The following EGFR variants were observed in gnomAD, a reference collection of about 807,000 sequenced individuals.
EGFR encodes avian erythroblastic leukemia viral (v-erb-b) oncogene homolog.
Under a neutral mutation model 143.0 loss-of-function variants are expected in EGFR, and 58 were observed. The ratio of observed to expected loss-of-function variants is 0.41; its 90% CI spans 0.33 to 0.50. The LOEUF (loss-of-function observed/expected upper bound fraction) is 0.50. Among genes scored for constraint, EGFR ranks in the 20% least tolerant of loss-of-function variants. EGFR has a pLI of 0.39. For synonymous variants in EGFR, 613 were observed against 594.4 expected (o/e 1.03, Z -0.45); for missense variants, 1,307 against 1,579.0 (o/e 0.83, Z 2.92).
intron 1 of EGFR, among the ~76,000 whole-genome samples, chr7:55,105,394 T>G (rs959566423): frequency 2.0e-5 from 3 of 152,252 alleles, no homozygotes; most frequent in Admixed American, 6.5e-5. Context: ...TCTAAGTGCT[T>G]TTCAAAGTCA....
chr7:55,193,062 G>C (rs564860538), intron 22 of EGFR, among the ~76,000 whole-genome samples: 2 of 151,860 alleles, frequency 1.3e-5, no homozygotes, highest in South Asian at 4.2e-4. Flanking sequence ...CAATGAGCTC[G>C]TCTGGCAGGG....
At chr7:55,073,624 T>C (rs17172432) in intron 1 of EGFR, among the ~76,000 whole-genome samples, 45,872 of 152,172 alleles carry the variant, frequency 0.3, 9,148 homozygotes, top group African/African-American at 0.57. Context: ...TCAGTTGTTA[T>C]GGGCATTTAT....
At chr7:55,025,393 T>A (rs78910000) in intron 1 of EGFR, among the ~76,000 whole-genome samples, 1 of 151,984 alleles carries the variant, frequency 6.6e-6, no homozygotes, top group Non-Finnish European at 1.5e-5. Context: ...GAATCCCAGA[T>A]TGACACCCAG....
At chr7:55,059,838 C>T (rs1789063240) in intron 1 of EGFR, among the ~76,000 whole-genome samples, 1 of 152,146 alleles carries the variant, frequency 6.6e-6, no homozygotes, top group South Asian at 2.1e-4. Flanking sequence ...TTACATCGTC[C>T]TTATAAGAAA....
At chr7:55,068,157 C>T in intron 1 of EGFR, among the ~76,000 whole-genome samples, 1 of 145,938 alleles carries the variant, frequency 6.9e-6, no homozygotes, top group East Asian at 1.9e-4. Context: ...TCTCTCATCA[C>T]CTTTTTAGTC....
chr7:55,186,933 G>A (rs1372072759), intron 20 of EGFR, among the ~76,000 whole-genome samples: 1 of 152,192 alleles, frequency 6.6e-6, no homozygotes, highest in East Asian at 1.9e-4. Context: ...AGATAGCAGT[G>A]AACAAGCCAG....
At chr7:55,195,032 A>G (rs1259980962) in intron 22 of EGFR, among the ~76,000 whole-genome samples, 1 of 152,164 alleles carries the variant, frequency 6.6e-6, no homozygotes, top group Non-Finnish European at 1.5e-5. Flanking sequence ...TCCACCTAAC[A>G]CTGGCTATAC....
chr7:55,058,013 A>G (rs529508392), intron 1 of EGFR, among the ~76,000 whole-genome samples: 6 of 152,394 alleles, frequency 3.9e-5, no homozygotes, highest in African/African-American at 1.2e-4. Context: ...ATTTAAAATC[A>G]TATCTCAATT....
At chr7:55,181,128 T>TA (rs1312338641) in intron 19 of EGFR, 165 bp from the exon 20 acceptor site, 4 of 863,236 alleles carry the variant, frequency 4.6e-6, no homozygotes, top group Non-Finnish European at 5.6e-6. Context: ...CAGCCCTGCG[T>TA]AAACGTCCCT....
intron 5 of EGFR, among the ~76,000 whole-genome samples, chr7:55,152,165 G>C (rs1785190700): frequency 6.6e-6 from 1 of 152,152 alleles, no homozygotes; most frequent in Non-Finnish European, 1.5e-5. Flanking sequence ...AAGGAACCTG[G>C]GGACATGAGC....
chr7:55,150,961 T>C (rs541105480), intron 4 of EGFR, among the ~76,000 whole-genome samples: 1 of 152,208 alleles, frequency 6.6e-6, no homozygotes, highest in African/African-American at 2.4e-5. Context: ...ACTCTAGCTG[T>C]GGCAGGAGAT....
In EGFR at chr7:55,173,125, G is replaced by T; in HGVS notation, c.2061+1G>T. Reference sequence around the variant, plus strand: ...GCGGAGGCTGCTGCAGGAGAGGGAGGTGAGTGCCAGTCCTGGGTGGGCTCA... The same window carrying T: ...GCGGAGGCTGCTGCAGGAGAGGGAGTTGAGTGCCAGTCCTGGGTGGGCTCA... On this transcript the variant is annotated splice_donor_variant, in intron 17 of 27. Transcript: ENST00000275493. LOFTEE classifies it high-confidence loss of function. 1 of 1,609,452 alleles carries T rather than the reference G, an allele frequency of 6.2e-7. No individual in the cohort carries two copies.
At chr7:55,046,742 T>G (rs1583904028) in intron 1 of EGFR, among the ~76,000 whole-genome samples, 1 of 152,208 alleles carries the variant, frequency 6.6e-6, no homozygotes, top group African/African-American at 2.4e-5. Context: ...ATTGCTCAAA[T>G]GTAAATAGAT....
intron 19 of EGFR, chr7:55,180,263 G>A (rs1337674820): frequency 6.6e-6 from 1 of 152,262 alleles, no homozygotes; most frequent in Admixed American, 6.5e-5. Flanking sequence ...TGAATAAAAG[G>A]TCACCACCAT....
chr7:55,033,442 G>A (rs952229826), intron 1 of EGFR, among the ~76,000 whole-genome samples: 5 of 152,186 alleles, frequency 3.3e-5, no homozygotes, highest in African/African-American at 1.2e-4. Flanking sequence ...GACTGCAGGG[G>A]ATGCTGGCCA....
intron 1 of EGFR, among the ~76,000 whole-genome samples, chr7:55,073,410 G>C (rs1007805435): frequency 2.0e-5 from 3 of 152,158 alleles, no homozygotes; most frequent in African/African-American, 7.2e-5. Flanking sequence ...ATGTGGGTGA[G>C]GCACATGCTG....
At chr7:55,137,868 G>A (rs1794238783) in intron 1 of EGFR, among the ~76,000 whole-genome samples, 1 of 152,204 alleles carries the variant, frequency 6.6e-6, no homozygotes, top group Non-Finnish European at 1.5e-5. Flanking sequence ...GACAGTTAGG[G>A]TTTCGATCAT....
chr7:55,151,112 G>A (rs937047522), intron 4 of EGFR, among the ~76,000 whole-genome samples, 182 bp from the exon 5 acceptor site: 1 of 152,182 alleles, frequency 6.6e-6, no homozygotes, highest in Non-Finnish European at 1.5e-5. Flanking sequence ...GCAGTTCATG[G>A]TTCATCTTCT....
intron 11 of EGFR, among the ~76,000 whole-genome samples, chr7:55,159,887 G>A (rs1186258770): frequency 5.9e-5 from 9 of 152,096 alleles, no homozygotes; most frequent in African/African-American, 1.9e-4. Context: ...TGACATTAAG[G>A]CATTTTATTC....
Sources: allele counts gnomAD v4.1 joint callset (sites outside exome capture counted in the v4.1 genomes callset), GRCh38; gene constraint gnomAD v4.1.1; transcripts MANE v1.5; gene names NCBI Gene and HGNC (gene_info 2026-07-23, HGNC 2026-07-21).